Variants in UHMK1 observed in about 807,000 individuals in gnomAD.
The protein encoded by UHMK1 is U2AF homology motif kinase 1.
In UHMK1, 18 loss-of-function variants were observed where a neutral mutation model predicts 44.0. The ratio of observed to expected loss-of-function variants is 0.41; its 90% CI spans 0.28 to 0.61. The LOEUF is 0.61. Among genes scored for constraint, UHMK1 ranks in the 20% least tolerant of loss-of-function variants. The pLI is 0.31. For synonymous variants in UHMK1, 231 were observed against 198.5 expected (o/e 1.16, Z -1.38); for missense variants, 463 against 522.5 (o/e 0.89, Z 1.11).
At chr1:162,512,623 T>G in intron 5 of UHMK1, 47 bp downstream of exon 5, 1 of 1,603,640 alleles carries the variant, frequency 6.2e-7, no homozygotes, top group Non-Finnish European at 8.5e-7. Context: ...TTGACAGTCA[T>G]ACAAGACATC....
chr1:162,521,364 C>G (rs1179119160), intron 7 of UHMK1, among the ~76,000 whole-genome samples: 1 of 151,924 alleles, frequency 6.6e-6, no homozygotes, highest in African/African-American at 2.4e-5. Context: ...AAATGCATGT[C>G]TACTCATTTA....
intron 4 of UHMK1, among the ~76,000 whole-genome samples, chr1:162,506,198 T>A (rs1335853891): frequency 6.8e-6 from 1 of 146,302 alleles, no homozygotes; most frequent in Non-Finnish European, 1.5e-5. Context: ...ATTGACTTTC[T>A]TATTTTTATT....
At chr1:162,499,153 A>T (rs1478185576) in intron 1 of UHMK1, among the ~76,000 whole-genome samples, 1 of 151,998 alleles carries the variant, frequency 6.6e-6, no homozygotes, top group Non-Finnish European at 1.5e-5. Flanking sequence ...TAGTATTTAG[A>T]TTATAGAGAG....
At chr1:162,504,733 G>T (rs1220328598) in intron 4 of UHMK1, among the ~76,000 whole-genome samples, 1 of 151,840 alleles carries the variant, frequency 6.6e-6, no homozygotes, top group South Asian at 2.1e-4. Flanking sequence ...TAAGACTAAG[G>T]GTAAACACTG....
intron 7 of UHMK1, among the ~76,000 whole-genome samples, chr1:162,520,757 G>C (rs949013296): frequency 6.6e-6 from 1 of 152,198 alleles, no homozygotes; most frequent in African/African-American, 2.4e-5. Flanking sequence ...GGCTTATTAA[G>C]TAGAGTGAGC....
At chr1:162,518,595 A>T (rs12086856) in intron 7 of UHMK1, among the ~76,000 whole-genome samples, 69,346 of 151,398 alleles carry the variant, frequency 0.46, 15,915 homozygotes, top group East Asian at 0.48. Context: ...GGCAGGAGAA[A>T]CACTTGAACT....
At position 162,525,270 on chromosome 1, in the gene UHMK1, G is replaced by A. The variant is rs1376521265; in HGVS notation, c.*2720G>A. On this transcript the variant is annotated 3_prime_UTR_variant, in exon 8 of 8. Transcript: ENST00000489294. ...ATATACATAGGGATTTTGGTTTATT[G>A]AAGTTATTGAAAGACCTAGAAATTT... The A allele has an allele frequency of 2.0e-5, 3 of 152,154 alleles. No individual in the cohort carries two copies. The highest frequency in any genetic ancestry group is 2.0e-4 in the Admixed American group (3 of 15,280). 9.4% of individuals were successfully genotyped at this position (152,154 alleles called of 1,614,324 possible).
chr1:162,513,018 T>C, intron 6 of UHMK1, 195 bp downstream of exon 6: 1 of 519,600 alleles, frequency 1.9e-6, no homozygotes, highest in Non-Finnish European at 3.3e-6. Flanking sequence ...AGTGGCACGA[T>C]CTCAGCTCAC....
rs1652285156 is a variant in UHMK1 at position 162,527,309 on chromosome 1, GC to G, written c.*4761del. ...TCACAGTAGCATGTACTTGACAAGT[GC>G]CATGGATATTTAAGAAGAAGGTAAA... is the stretch of plus-strand genomic sequence containing the variant. On this transcript the variant is annotated 3_prime_UTR_variant, in exon 8 of 8. Transcript: ENST00000489294. The G allele has an allele frequency of 2.0e-5, 3 of 151,950 alleles. No homozygotes were observed. The highest frequency in any genetic ancestry group is 1.3e-4 in the Admixed American group (2 of 15,252). The allele number at this position is 151,950 out of a possible 1,614,324, so 9.4% of individuals were successfully genotyped here.
chr1:162,508,427 A>G lies in UHMK1; in HGVS notation c.849-4073A>G, dbSNP rs1173847785. 2.0e-5 allele frequency among the ~76,000 whole-genome samples: 3 copies of G among 149,620 alleles called. No individual in the cohort carries two copies. In the East Asian group the frequency reaches 6.2e-4, roughly 31 times the overall value. ...ACGCCTGGCCATTTAGCTCATTTTG[A>G]AATGGTAGGCTCACACCCATAATCC... On this transcript the variant is annotated intron_variant, in intron 4 of 7. Coordinates refer to ENST00000489294, the MANE Select transcript of UHMK1 (RefSeq NM_175866.5).
chr1:162,518,069 A>T (rs1224265906), intron 6 of UHMK1, 33 bp from the exon 7 acceptor site: 1 of 1,443,006 alleles, frequency 6.9e-7, no homozygotes, highest in Non-Finnish European at 9.7e-7. Flanking sequence ...TTATTATATC[A>T]GAGCAGTTAC....
Position 162,528,777 on chromosome 1 carries a change from A to G in UHMK1, c.*6227A>G, listed in dbSNP as rs966161867. ...CTTCCATTCTTAATTCTTTTTTGAAATATCTTAAATAATTTAACATTCCTT... is the reference window on the plus strand; with the variant it reads ...CTTCCATTCTTAATTCTTTTTTGAAGTATCTTAAATAATTTAACATTCCTT... On this transcript the variant is annotated 3_prime_UTR_variant, in exon 8 of 8. Coordinates refer to ENST00000489294, the MANE Select transcript of UHMK1 (RefSeq NM_175866.5). 1 of 152,104 alleles carries G rather than the reference A, an allele frequency of 6.6e-6. No homozygotes were observed. Among genetic ancestry groups the G allele is most frequent in the Non-Finnish European group, 1.5e-5 (1 of 67,974 alleles). The allele number at this position is 152,104 out of a possible 1,614,324, so 9.4% of individuals were successfully genotyped here. A position where few individuals can be genotyped will look rare whatever the true frequency, so the allele number is the denominator to read the frequency against.
At chr1:162,520,918 T>G (rs1652031652) in intron 7 of UHMK1, among the ~76,000 whole-genome samples, 1 of 152,150 alleles carries the variant, frequency 6.6e-6, no homozygotes. Flanking sequence ...ACAGGAGAAG[T>G]CTTTTCCAGA....
At chr1:162,520,382 A>G (rs950509550) in intron 7 of UHMK1, among the ~76,000 whole-genome samples, 1 of 152,220 alleles carries the variant, frequency 6.6e-6, no homozygotes, top group African/African-American at 2.4e-5. Context: ...CTGTTTAGTC[A>G]TTTAACTGAT....
chr1:162,523,011 A>T lies in UHMK1; in HGVS notation c.*461A>T, dbSNP rs1013576999. The T allele has an allele frequency of 6.3e-6, 1 of 157,568 alleles. No individual in the cohort carries two copies. The highest frequency in any genetic ancestry group is 6.0e-5 in the Admixed American group (1 of 16,642). The allele number at this position is 157,568 out of a possible 1,614,324, so 9.8% of individuals were successfully genotyped here. A position where few individuals can be genotyped will look rare whatever the true frequency, so the allele number is the denominator to read the frequency against. The stretch of plus-strand genomic sequence containing the variant: ...GGCACTGGATGCTCTCAGTAATGTT[A>T]AGTAATTGTCAAGCAGCAGTTACCT... On this transcript the variant is annotated 3_prime_UTR_variant, in exon 8 of 8. Transcript: ENST00000489294.
chr1:162,526,716 T>A lies in UHMK1; in HGVS notation c.*4166T>A, dbSNP rs1652263845. ...GCCTGGAAATAGCCTTGGTTTACCTTATTTTTTTGTATATGTAAAACTATT... is the reference window on the plus strand; with the variant it reads ...GCCTGGAAATAGCCTTGGTTTACCTAATTTTTTTGTATATGTAAAACTATT... On this transcript the variant is annotated 3_prime_UTR_variant, in exon 8 of 8. Transcript: ENST00000489294. 2 of 152,168 alleles carry A rather than the reference T, an allele frequency of 1.3e-5. No homozygotes were observed. Among genetic ancestry groups the A allele is most frequent in the Non-Finnish European group, 2.9e-5 (2 of 67,988 alleles). 9.4% of individuals were successfully genotyped at this position (152,168 alleles called of 1,614,324 possible).
At chr1:162,520,067 A>AT (rs968989591) in intron 7 of UHMK1, among the ~76,000 whole-genome samples, 11 of 152,228 alleles carry the variant, frequency 7.2e-5, no homozygotes, top group African/African-American at 2.4e-4. Flanking sequence ...CACCTGGCTA[A>AT]TTTTTTGTAG....
At chr1:162,515,205 T>G (rs1279978343) in intron 6 of UHMK1, among the ~76,000 whole-genome samples, 3 of 152,164 alleles carry the variant, frequency 2.0e-5, no homozygotes, top group Non-Finnish European at 4.4e-5. Flanking sequence ...CTTTGTTTCT[T>G]GTTCTCTGGC....
Position 162,512,772 on chromosome 1 carries a change from C to T in UHMK1, c.973C>T (p.Leu325=). Residue 325 remains leucine, a synonymous_variant, in exon 6 of 8, where the codon CTG becomes TTG. Transcript: ENST00000489294. ...CATGCTTCCCACTCCAGTGCTAAGA[C>T]TGCTGAATGTGCTGGATGATGATTA... is the stretch of plus-strand genomic sequence containing the variant. ...LVMLPTPVLR[L]LNVLDDDYLE... is the part of the protein sequence containing the mutation. The T allele has an allele frequency of 6.2e-7, 1 of 1,614,134 alleles. No homozygotes were observed. The highest frequency in any genetic ancestry group is 8.5e-7 in the Non-Finnish European group (1 of 1,180,024).
Sources: gnomAD v4.1 joint callset for allele counts (sites outside exome capture counted in the v4.1 genomes callset) on GRCh38, gnomAD v4.1.1 for gene constraint, MANE v1.5 for transcripts, NCBI Gene and HGNC (gene_info 2026-07-23, HGNC 2026-07-21) for gene names.